MND1: variants seen among roughly 807,000 people sequenced by gnomAD.
The protein encoded by MND1 is meiotic nuclear divisions 1.
MND1 carries 28 observed loss-of-function variants against 35.1 expected under a neutral mutation model. The observed-to-expected ratio is 0.80, with a 90% CI of 0.59 to 1.09. The LOEUF (loss-of-function observed/expected upper bound fraction) is 1.09. MND1 is among the 50% of genes least tolerant of loss of function. The pLI, the probability that MND1 is intolerant of heterozygous loss-of-function variation, is 0.00. For synonymous variants in MND1, 69 were observed against 70.5 expected, an observed-to-expected ratio of 0.98 and a Z score of 0.11; for missense variants, 213 against 239.6, an observed-to-expected ratio of 0.89 and a Z score of 0.73.
In MND1 at chr4:153,355,660, G is replaced by C; in HGVS notation, c.76G>C (p.Val26Leu). 1 of 1,573,108 alleles carries C rather than the reference G, an allele frequency of 6.4e-7. No individual in the cohort carries two copies. ...TTTAAAACCCTTTAAACAGAAAGAT[G>C]TATTTCAATTAAAAGACTTGGAGAA... ...MMEIFSETKD[V>L]FQLKDLEKIA... Residue 26 changes from valine (V) to leucine (L), a missense_variant, in exon 3 of 8, where the codon GTA becomes CTA. By Grantham distance (32) the Val-to-Leu change is conservative. Coordinates refer to ENST00000240488, the MANE Select transcript of MND1 (RefSeq NM_032117.4).
chr4:153,357,482 G>T (rs1773375677), intron 3 of MND1, among the ~76,000 whole-genome samples: 2 of 152,266 alleles, frequency 1.3e-5, no homozygotes, highest in Middle Eastern at 3.4e-3. Context: ...GCCATACCAT[G>T]TATTTACTAT....
chr4:153,351,795 A>G (rs1446572640), intron 2 of MND1, among the ~76,000 whole-genome samples: 1 of 152,216 alleles, frequency 6.6e-6, no homozygotes, highest in East Asian at 1.9e-4. Context: ...CCCCCTTTTC[A>G]AGACAAATGT....
At chr4:153,360,839 G>A (rs1363135441) in intron 4 of MND1, among the ~76,000 whole-genome samples, 1 of 151,052 alleles carries the variant, frequency 6.6e-6, no homozygotes, top group African/African-American at 2.4e-5. Flanking sequence ...ATATACACAT[G>A]TATATATAAC....
intron 4 of MND1, among the ~76,000 whole-genome samples, chr4:153,384,356 G>T (rs1579932068): frequency 7.8e-6 from 1 of 128,354 alleles, no homozygotes; most frequent in African/African-American, 2.9e-5. Context: ...CTGTAGCCTT[G>T]ACTTTGTGGC....
chr4:153,402,584 C>A (rs1236781250), intron 6 of MND1, among the ~76,000 whole-genome samples: 2 of 152,204 alleles, frequency 1.3e-5, no homozygotes, highest in Non-Finnish European at 2.9e-5. Flanking sequence ...TGAAGGATAA[C>A]AACCCTGCAT....
chr4:153,414,565 G>A (rs917439731), intron 7 of MND1, among the ~76,000 whole-genome samples, 186 bp from the exon 8 acceptor site: 2 of 152,116 alleles, frequency 1.3e-5, no homozygotes, highest in Non-Finnish European at 2.9e-5. Flanking sequence ...TTACAGGCAT[G>A]AGCCACCGCA....
At chr4:153,408,790 T>C (rs1729590745) in intron 6 of MND1, among the ~76,000 whole-genome samples, 181 bp from the exon 7 acceptor site, 1 of 151,774 alleles carries the variant, frequency 6.6e-6, no homozygotes, top group African/African-American at 2.4e-5. Flanking sequence ...CAAGAGTTTG[T>C]AAAATACAAT....
intron 4 of MND1, among the ~76,000 whole-genome samples, chr4:153,382,819 CATT>C (rs557925964): frequency 2.5e-4 from 38 of 152,240 alleles, no homozygotes; most frequent in African/African-American, 7.0e-4. Context: ...ACAATATTTT[CATT>C]AGAAATTTCA....
intron 1 of MND1, among the ~76,000 whole-genome samples, chr4:153,348,982 A>G (rs1320622707): frequency 6.6e-6 from 1 of 152,168 alleles, no homozygotes; most frequent in East Asian, 1.9e-4. Context: ...TTTTAAGCAA[A>G]CAATTTATAT....
chr4:153,408,128 G>A (rs922974597), intron 6 of MND1, among the ~76,000 whole-genome samples: 2 of 152,100 alleles, frequency 1.3e-5, no homozygotes, highest in African/African-American at 4.8e-5. Flanking sequence ...AAATGAGCTG[G>A]GCATGGTGGC....
At chr4:153,397,160 C>A in intron 5 of MND1, 59 bp from the exon 6 acceptor site, 1 of 1,163,632 alleles carries the variant, frequency 8.6e-7, no homozygotes, top group Non-Finnish European at 1.2e-6. Flanking sequence ...AAATGTATTA[C>A]CTTACAACAT....
intron 1 of MND1, among the ~76,000 whole-genome samples, chr4:153,346,044 T>C (rs1184719363): frequency 6.6e-6 from 1 of 152,234 alleles, no homozygotes; most frequent in African/African-American, 2.4e-5. Flanking sequence ...AGAATCCTTT[T>C]AAAAAATTAA....
intron 1 of MND1, 55 bp downstream of exon 1, chr4:153,344,795 G>A (rs1773030257): frequency 1.9e-6 from 3 of 1,585,010 alleles, no homozygotes; most frequent in African/African-American, 1.4e-5. Flanking sequence ...TGTGGGCTTC[G>A]CCGCCCCTCG....
chr4:153,369,982 A>G (rs1192571320), intron 4 of MND1, among the ~76,000 whole-genome samples: 1 of 152,198 alleles, frequency 6.6e-6, no homozygotes, highest in African/African-American at 2.4e-5. Flanking sequence ...TTGCTCATCT[A>G]TAAGAAGCAA....
rs1279275990 is a variant in MND1, at chr4:153,409,030, A to C, written c.511+15A>C. Reference sequence around the variant, plus strand: ...CAGATGGACTGGTATGTACTATAATAATGCTGATAAACTATAGCTAAATTC... The same window carrying C: ...CAGATGGACTGGTATGTACTATAATCATGCTGATAAACTATAGCTAAATTC... On this transcript the variant is annotated intron_variant, in intron 7 of 7. Transcript: ENST00000240488. 2.1e-5 allele frequency: 28 copies of C among 1,360,284 alleles called. No homozygotes were observed. Among genetic ancestry groups the C allele is most frequent in the Non-Finnish European group, 2.6e-5 (27 of 1,045,808 alleles). 84.3% of individuals were successfully genotyped at this position (1,360,284 alleles called of 1,614,324 possible).
intron 7 of MND1, among the ~76,000 whole-genome samples, chr4:153,412,484 CTTTTTTT>C (rs59668809): frequency 7.2e-6 from 1 of 138,556 alleles, no homozygotes; most frequent in Admixed American, 7.4e-5. Flanking sequence ...TCCAAATTTC[CTTTTTTT>C]TTTTTTTTTG....
chr4:153,406,882 G>T (rs1341545672), intron 6 of MND1, among the ~76,000 whole-genome samples: 1 of 152,242 alleles, frequency 6.6e-6, no homozygotes, highest in African/African-American at 2.4e-5. Flanking sequence ...CGTATTTGGG[G>T]AAACCTCACA....
At chr4:153,365,192 G>C (rs1773597626) in intron 4 of MND1, among the ~76,000 whole-genome samples, 1 of 151,980 alleles carries the variant, frequency 6.6e-6, no homozygotes, top group Non-Finnish European at 1.5e-5. Context: ...CCACACTCTA[G>C]TTGCCAGGAG....
intron 4 of MND1, chr4:153,363,121 C>A: frequency 1.9e-6 from 1 of 515,908 alleles, no homozygotes; most frequent in East Asian, 1.5e-4. Context: ...CCCTTCACAC[C>A]TGTTTTCCTG....
Sources: allele counts gnomAD v4.1 joint callset (sites outside exome capture counted in the v4.1 genomes callset), GRCh38; gene constraint gnomAD v4.1.1; transcripts MANE v1.5; gene names NCBI Gene and HGNC (gene_info 2026-07-23, HGNC 2026-07-21).